NXPE2: variants seen among roughly 807,000 people sequenced by gnomAD.
NXPE2 encodes neurexophilin and PC-esterase domain family member 2, also known as NXPE family member 2.
NXPE2 carries 34 observed loss-of-function variants against 34.4 expected under a neutral mutation model. The observed-to-expected ratio is 0.99, with a 90% CI of 0.75 to 1.31. The LOEUF (loss-of-function observed/expected upper bound fraction) is 1.31. Among genes scored for constraint, NXPE2 ranks in the 40% most tolerant of loss-of-function variants. NXPE2 has a pLI of 0.00. For missense variants in NXPE2, 649 were observed against 672.5 expected (o/e 0.97, Z 0.39); for synonymous variants, 235 against 231.3 (o/e 1.02, Z -0.15).
downstream of NXPE2, among the ~76,000 whole-genome samples, chr11:114,710,624 C>T (rs1181762069): frequency 6.6e-6 from 1 of 151,860 alleles, no homozygotes; most frequent in Non-Finnish European, 1.5e-5. Flanking sequence ...ATAACGACAA[C>T]AATAAAAAGC....
In NXPE2 at chr11:114,700,760, T is replaced by C. The variant is rs558573258; in HGVS notation, c.866+1982T>C. On this transcript the variant is annotated intron_variant, in intron 3 of 5. Coordinates refer to ENST00000389586, the MANE Select transcript of NXPE2 (RefSeq NM_182495.6). ...CAGCAGGACTTCTCAGAAACTTTAA[T>C]ATGTATCCCTTCAAGCAAGAATAGA... 2.6e-5 allele frequency among the ~76,000 whole-genome samples: 4 copies of C among 152,284 alleles called. No homozygotes were observed. The East Asian group carries it at 7.7e-4, about 29-fold the overall frequency.
chr11:114,680,179 C>A (rs1950925378), intron 2 of NXPE2, among the ~76,000 whole-genome samples: 1 of 152,074 alleles, frequency 6.6e-6, no homozygotes, highest in South Asian at 2.1e-4. Context: ...GTAAGTTTTT[C>A]TTAACTCACC....
chr11:114,664,319 C>A, the NXPE2 span, among the ~76,000 whole-genome samples: 2 of 151,988 alleles, frequency 1.3e-5, no homozygotes, highest in Admixed American at 1.3e-4. Flanking sequence ...AAATTAAGGG[C>A]TTGTAAAGGT....
chr11:114,519,755 A>G, the NXPE2 span, among the ~76,000 whole-genome samples: 2 of 152,160 alleles, frequency 1.3e-5, no homozygotes, highest in East Asian at 3.9e-4. Context: ...CATTTAAAGA[A>G]TTTTGTGTAT....
rs146517198 is a variant in NXPE2, at chr11:114,684,680, C to A, written c.132+4918C>A. 3.1e-3 allele frequency among the ~76,000 whole-genome samples: 472 copies of A among 151,998 alleles called. 4 individuals carry two copies. The highest frequency in any genetic ancestry group is 0.011 in the African/African-American group (447 of 41,456). On this transcript the variant is annotated intron_variant, in intron 2 of 5. Coordinates refer to ENST00000389586, the MANE Select transcript of NXPE2 (RefSeq NM_182495.6). ...GGTGGGGAATAGGTGAAGGTTAGAA[C>A]AGCAATTAAAGGGGGAATCAGAGGC...
the NXPE2 span, among the ~76,000 whole-genome samples, chr11:114,719,221 C>T: frequency 2.0e-5 from 3 of 152,106 alleles, no homozygotes; most frequent in Non-Finnish European, 4.4e-5. Flanking sequence ...TAATAATGCC[C>T]CTCCACTACT....
At chr11:114,702,438 G>A (rs1156468761) in intron 3 of NXPE2, among the ~76,000 whole-genome samples, 1 of 152,116 alleles carries the variant, frequency 6.6e-6, no homozygotes, top group African/African-American at 2.4e-5. Flanking sequence ...TAGAGGTTTG[G>A]TCAGATTAAA....
At chr11:114,577,087 A>G in the NXPE2 span, among the ~76,000 whole-genome samples, 1 of 89,936 alleles carries the variant, frequency 1.1e-5, no homozygotes, top group Non-Finnish European at 2.0e-5. Context: ...ATATATATAC[A>G]TATATATATA....
chr11:114,664,506 C>T, the NXPE2 span, among the ~76,000 whole-genome samples: 4 of 152,094 alleles, frequency 2.6e-5, no homozygotes, highest in Non-Finnish European at 4.4e-5. Context: ...ATTGACTTCA[C>T]GAAAACCTGG....
the NXPE2 span, among the ~76,000 whole-genome samples, chr11:114,610,431 G>T: frequency 2.6e-5 from 4 of 151,790 alleles, no homozygotes; most frequent in Non-Finnish European, 5.9e-5. Flanking sequence ...TGCCTCTCGG[G>T]TAACCACTGT....
chr11:114,771,464 C>T, the NXPE2 span, among the ~76,000 whole-genome samples: 8 of 151,602 alleles, frequency 5.3e-5, no homozygotes, highest in Non-Finnish European at 7.4e-5. Context: ...TCTACTCATT[C>T]TTGGACCAGG....
At chr11:114,494,188 A>G in the NXPE2 span, among the ~76,000 whole-genome samples, 6 of 152,114 alleles carry the variant, frequency 3.9e-5, no homozygotes, top group Middle Eastern at 3.2e-3. Context: ...TCTTCTTTGG[A>G]TTAAATCTGC....
At chr11:114,631,123 C>T in the NXPE2 span, among the ~76,000 whole-genome samples, 1 of 151,928 alleles carries the variant, frequency 6.6e-6, no homozygotes, top group African/African-American at 2.4e-5. Context: ...TGGCGATTCT[C>T]AGGGATCTAG....
chr11:114,564,587 T>G, the NXPE2 span, among the ~76,000 whole-genome samples: 1 of 151,794 alleles, frequency 6.6e-6, no homozygotes, highest in Non-Finnish European at 1.5e-5. Flanking sequence ...GGTGCAGGAG[T>G]GCACAGAGAG....
At chr11:114,801,879 T>C in the NXPE2 span, among the ~76,000 whole-genome samples, 1 of 151,926 alleles carries the variant, frequency 6.6e-6, no homozygotes, top group East Asian at 1.9e-4. Flanking sequence ...GGGATGAGTG[T>C]TGTGTTGGAC....
At chr11:114,737,043 C>A in the NXPE2 span, among the ~76,000 whole-genome samples, 1 of 152,182 alleles carries the variant, frequency 6.6e-6, no homozygotes, top group East Asian at 1.9e-4. Flanking sequence ...GACTCTTGCA[C>A]TCCCTCCTAG....
chr11:114,778,257 C>A, the NXPE2 span, among the ~76,000 whole-genome samples: 2 of 152,206 alleles, frequency 1.3e-5, no homozygotes, highest in African/African-American at 4.8e-5. Flanking sequence ...TGACAAAGAC[C>A]TTGACTCTCT....
the NXPE2 span, among the ~76,000 whole-genome samples, chr11:114,770,881 C>G: frequency 6.6e-6 from 1 of 152,154 alleles, no homozygotes; most frequent in Non-Finnish European, 1.5e-5. Context: ...GATGTAGGAT[C>G]AAATTGTAAC....
Position 114,706,675 on chromosome 11 carries a change from T to A in NXPE2, c.1425T>A (p.Arg475=). The change falls in exon 6 of 6, where the codon CGT becomes CGA. Residue 475 remains arginine (R), a synonymous_variant. Coordinates refer to ENST00000389586, the MANE Select transcript of NXPE2 (RefSeq NM_182495.6). ...TCAATATTCAAAAGGCCATTGAACG[T>A]CTATTCTTGCGAAGCCCGGAGACCA... ...RAINIQKAIE[R]LFLRSPETKV... The A allele has an allele frequency of 6.4e-7, 1 of 1,552,090 alleles. No individual in the cohort carries two copies. The highest frequency in any genetic ancestry group is 1.2e-5 in the South Asian group (1 of 84,066).
Sources: allele counts gnomAD v4.1 joint callset (sites outside exome capture counted in the v4.1 genomes callset), GRCh38; gene constraint gnomAD v4.1.1; transcripts MANE v1.5; gene names NCBI Gene and HGNC (gene_info 2026-07-23, HGNC 2026-07-21).